Variants in ADAM10 observed in about 807,000 individuals in gnomAD.
ADAM10 encodes the protein ADAM metallopeptidase domain 10.
ADAM10 carries 17 observed loss-of-function variants against 90.1 expected under a neutral mutation model. The ratio of observed to expected loss-of-function variants is 0.19; its 90% CI spans 0.13 to 0.28. ADAM10 has a LOEUF of 0.28. ADAM10 is among the 10% of genes least tolerant of loss of function. ADAM10 has a pLI of 1.00. For missense variants in ADAM10, 610 were observed against 914.3 expected (o/e 0.67, Z 4.29); for synonymous variants, 310 against 298.6 (o/e 1.04, Z -0.40).
intron 4 of ADAM10, among the ~76,000 whole-genome samples, chr15:58,677,154 CCTTCCG>C: frequency 6.6e-6 from 1 of 152,244 alleles, no homozygotes; most frequent in East Asian, 1.9e-4. Context: ...TAAGGGAACT[CCTTCCG>C]TACTCCCATC....
intron 1 of ADAM10, chr15:58,747,576 T>A (rs1280923423): frequency 6.6e-6 from 1 of 152,162 alleles, no homozygotes; most frequent in Non-Finnish European, 1.5e-5. Context: ...ATAGTTACAA[T>A]AAAATTACAA....
chr15:58,705,430 T>C (rs1049259030), intron 2 of ADAM10, among the ~76,000 whole-genome samples: 14 of 152,182 alleles, frequency 9.2e-5, no homozygotes, highest in African/African-American at 3.4e-4. Flanking sequence ...AGTGAAGTTA[T>C]AGGAGGACAA....
At chr15:58,637,912 G>C (rs1252826809) in intron 8 of ADAM10, among the ~76,000 whole-genome samples, 1 of 151,560 alleles carries the variant, frequency 6.6e-6, no homozygotes, top group African/African-American at 2.4e-5. Context: ...AAATAATCAA[G>C]AATAAATATA....
At chr15:58,630,553 T>C (rs1212568234) in intron 9 of ADAM10, among the ~76,000 whole-genome samples, 3 of 152,164 alleles carry the variant, frequency 2.0e-5, no homozygotes, top group Admixed American at 2.0e-4. Context: ...TGAGAGTAGG[T>C]ACATATTAGA....
chr15:58,712,833 A>G (rs1369945020), intron 2 of ADAM10, among the ~76,000 whole-genome samples: 1 of 152,162 alleles, frequency 6.6e-6, no homozygotes, highest in Non-Finnish European at 1.5e-5. Flanking sequence ...CTCAAAAAAA[A>G]GAACAAGACA....
In ADAM10 at chr15:58,599,699, A is replaced by G. The variant is rs748491262; in HGVS notation, c.2051T>C (p.Met684Thr). The change falls in exon 15 of 16, where the codon ATG becomes ACG. Residue 684 changes from methionine to threonine, a missense_variant. Physicochemically the swap from Met to Thr is moderately conservative, Grantham distance 81 (BLOSUM62 -1). Transcript: ENST00000260408. ...IVAHWWAVLLMGIALIMLMAG... is the reference protein window; with the variant it reads ...IVAHWWAVLLTGIALIMLMAG... ...CATTAGCATGATCAGAGCAATTCCC[A>G]TAAGTAATACTGCCCACCAATGAGC... 1.3e-5 allele frequency: 21 copies of G among 1,613,298 alleles called. No homozygotes were observed. In the Admixed American group the frequency reaches 2.2e-4, roughly 17 times the overall value.
At chr15:58,687,719 T>A (rs1288437153) in intron 2 of ADAM10, among the ~76,000 whole-genome samples, 1 of 151,848 alleles carries the variant, frequency 6.6e-6, no homozygotes, top group African/African-American at 2.4e-5. Context: ...TAGAATTTAG[T>A]AATAAAAAGG....
At chr15:58,602,934 G>A (rs113617034) in intron 14 of ADAM10, among the ~76,000 whole-genome samples, 3,202 of 152,234 alleles carry the variant, frequency 0.021, 43 homozygotes, top group Middle Eastern at 0.048. Context: ...CAATATATCC[G>A]AATTTTTATT....
At chr15:58,663,839 A>G (rs887211937) in intron 5 of ADAM10, among the ~76,000 whole-genome samples, 4 of 151,996 alleles carry the variant, frequency 2.6e-5, no homozygotes, top group Non-Finnish European at 4.4e-5. Flanking sequence ...CTTTCATTAT[A>G]TTTCTGGTAG....
intron 11 of ADAM10, among the ~76,000 whole-genome samples, chr15:58,619,554 T>C (rs1410281617): frequency 2.0e-5 from 3 of 152,214 alleles, no homozygotes; most frequent in African/African-American, 7.2e-5. Flanking sequence ...ATTGTATGCA[T>C]GTATCAAAAT....
At chr15:58,624,514 T>C (rs953442150) in intron 10 of ADAM10, among the ~76,000 whole-genome samples, 1 of 152,198 alleles carries the variant, frequency 6.6e-6, no homozygotes, top group African/African-American at 2.4e-5. Flanking sequence ...TGCTAACAGT[T>C]TAAACAACAA....
chr15:58,736,613 A>T (rs1277644934), intron 1 of ADAM10, among the ~76,000 whole-genome samples: 1 of 152,082 alleles, frequency 6.6e-6, no homozygotes, highest in Admixed American at 6.6e-5. Flanking sequence ...GGAAAAAAAT[A>T]ATATATTATT....
chr15:58,742,931 T>C (rs1052213919), intron 1 of ADAM10, among the ~76,000 whole-genome samples: 1 of 152,158 alleles, frequency 6.6e-6, no homozygotes, highest in Non-Finnish European at 1.5e-5. Context: ...TGGTGGCGTG[T>C]GCCTGTGGTC....
At chr15:58,614,110 C>T (rs544818221) in intron 11 of ADAM10, among the ~76,000 whole-genome samples, 7 of 152,006 alleles carry the variant, frequency 4.6e-5, no homozygotes, top group Admixed American at 6.6e-5. Flanking sequence ...CTTGAAACCC[C>T]GTCTCTACTA....
At chr15:58,729,149 G>A (rs1380428444) in intron 1 of ADAM10, among the ~76,000 whole-genome samples, 1 of 152,056 alleles carries the variant, frequency 6.6e-6, no homozygotes, top group Non-Finnish European at 1.5e-5. Context: ...CTTGAGCCCA[G>A]GAGTTTGAAA....
intron 2 of ADAM10, among the ~76,000 whole-genome samples, chr15:58,685,321 C>T (rs1388249941): frequency 1.3e-4 from 19 of 150,714 alleles, no homozygotes; most frequent in Admixed American, 8.6e-4. Flanking sequence ...ATTAGCCGGG[C>T]GTGGTGACGG....
intron 2 of ADAM10, among the ~76,000 whole-genome samples, chr15:58,703,090 A>G (rs1352963818): frequency 1.3e-5 from 2 of 152,140 alleles, no homozygotes; most frequent in Non-Finnish European, 2.9e-5. Flanking sequence ...CATGTCATGA[A>G]ATAATAATAA....
chr15:58,747,446 CCTTT>C (rs1225766967), intron 1 of ADAM10: 4 of 152,168 alleles, frequency 2.6e-5, no homozygotes, highest in African/African-American at 9.7e-5. Context: ...ACAAATTTCT[CCTTT>C]CTCTCATATG....
intron 4 of ADAM10, among the ~76,000 whole-genome samples, chr15:58,671,177 T>C (rs1416391618): frequency 6.6e-6 from 1 of 152,168 alleles, no homozygotes; most frequent in Non-Finnish European, 1.5e-5. Flanking sequence ...ATCTACAAGC[T>C]TGCCTATAAA....
Sources: gnomAD v4.1 joint callset for allele counts (sites outside exome capture counted in the v4.1 genomes callset) on GRCh38, gnomAD v4.1.1 for gene constraint, MANE v1.5 for transcripts, NCBI Gene and HGNC (gene_info 2026-07-23, HGNC 2026-07-21) for gene names.